The following RBFOX1 variants were observed in gnomAD, a reference collection of about 807,000 sequenced individuals.
RBFOX1 encodes the protein RNA binding protein fox-1 homolog 1.
Under a neutral mutation model 57.7 loss-of-function variants are expected in RBFOX1, and 8 were observed. The ratio of observed to expected loss-of-function variants is 0.14; its 90% CI spans 0.08 to 0.25. The LOEUF is 0.25. Among genes scored for constraint, RBFOX1 ranks in the 10% least tolerant of loss-of-function variants. The pLI is 1.00. For synonymous variants in RBFOX1, 326 were observed against 222.4 expected (o/e 1.47, Z -4.15); for missense variants, 611 against 548.5 (o/e 1.11, Z -1.14).
chr16:7,264,051 T>A (rs1356847125), intron 4 of RBFOX1, among the ~76,000 whole-genome samples: 1 of 152,154 alleles, frequency 6.6e-6, no homozygotes, highest in East Asian at 1.9e-4. Context: ...CTAGACACTT[T>A]GCTTTTAGCA....
chr16:5,550,181 G>C (rs370541380), intron 2 of RBFOX1, among the ~76,000 whole-genome samples: 1 of 152,198 alleles, frequency 6.6e-6, no homozygotes, highest in Non-Finnish European at 1.5e-5. Flanking sequence ...TGCGAGAGGG[G>C]CTGTGTGGAG....
chr16:5,383,462 C>T (rs573543927), intron 1 of RBFOX1, among the ~76,000 whole-genome samples: 6 of 152,280 alleles, frequency 3.9e-5, no homozygotes, highest in South Asian at 2.1e-4. Context: ...TTAGTTGGCA[C>T]TGTTAAGCAC....
chr16:6,885,981 A>G (rs1255204748), intron 3 of RBFOX1, among the ~76,000 whole-genome samples: 1 of 152,178 alleles, frequency 6.6e-6, no homozygotes, highest in Non-Finnish European at 1.5e-5. Context: ...CACAAACCAC[A>G]TGGACTTGAG....
chr16:7,214,278 GGGA>G (rs560279979), intron 4 of RBFOX1, among the ~76,000 whole-genome samples: 90 of 152,220 alleles, frequency 5.9e-4, no homozygotes, highest in African/African-American at 2.1e-3. Flanking sequence ...TTACGCATAT[GGGA>G]GGAGAATGAT....
At chr16:5,775,093 A>G (rs1382497358) in intron 3 of RBFOX1, among the ~76,000 whole-genome samples, 2 of 152,190 alleles carry the variant, frequency 1.3e-5, no homozygotes, top group Non-Finnish European at 2.9e-5. Context: ...CACAGTGAAT[A>G]TAGCTTGATC....
intron 4 of RBFOX1, among the ~76,000 whole-genome samples, chr16:7,053,906 T>G (rs1336851152): frequency 6.6e-6 from 1 of 152,116 alleles, no homozygotes; most frequent in African/African-American, 2.4e-5. Context: ...GATGGCACAT[T>G]TGATTGGATA....
intron 3 of RBFOX1, among the ~76,000 whole-genome samples, chr16:7,040,684 G>A (rs2045867338): frequency 6.6e-6 from 1 of 152,082 alleles, no homozygotes; most frequent in Admixed American, 6.5e-5. Flanking sequence ...TGTGTACCTT[G>A]TGTGTGTGCA....
intron 1 of RBFOX1, among the ~76,000 whole-genome samples, chr16:6,100,266 C>T (rs2096288717): frequency 6.6e-6 from 1 of 152,064 alleles, no homozygotes; most frequent in African/African-American, 2.4e-5. Flanking sequence ...GGGTTCACGC[C>T]ATTCTCCTGC....
chr16:6,007,275 C>T (rs566791389), intron 4 of RBFOX1, among the ~76,000 whole-genome samples: 35 of 152,290 alleles, frequency 2.3e-4, no homozygotes, highest in South Asian at 1.0e-3. Flanking sequence ...GTCAGTTTCC[C>T]GCTTGGATGC....
chr16:5,919,605 A>G (rs1384942101), intron 4 of RBFOX1, among the ~76,000 whole-genome samples: 1 of 152,156 alleles, frequency 6.6e-6, no homozygotes, highest in Non-Finnish European at 1.5e-5. Context: ...CGGCCTCCCA[A>G]AGTGCTGGGA....
Position 7,273,252 on chromosome 16 carries a change from T to TCCTTCCTTCCTTCCTC in RBFOX1, c.27+221165_27+221166insTCCTCCCTTCCTTCCT, listed in dbSNP as rs1567986194. 6.2e-4 allele frequency among the ~76,000 whole-genome samples: 60 copies of TCCTTCCTTCCTTCCTC among 96,570 alleles called. 3 individuals are homozygous for TCCTTCCTTCCTTCCTC. Among genetic ancestry groups the TCCTTCCTTCCTTCCTC allele is most frequent in the African/African-American group, 1.2e-3 (25 of 20,386 alleles). 63.4% of individuals were successfully genotyped at this position (96,570 alleles called of 152,430 possible). On this transcript the variant is annotated intron_variant, in intron 4 of 15. Coordinates refer to ENST00000550418, the MANE Select transcript of RBFOX1 (RefSeq NM_018723.4). ...TTCCTTCCTTCCTTCCTTCCTTCCT[T>TCCTTCCTTCCTTCCTC]CCTTCCTTCCTCCCTTTCTCTTTTT...
At chr16:5,361,845 A>C (rs1253524169) in intron 1 of RBFOX1, among the ~76,000 whole-genome samples, 1 of 152,210 alleles carries the variant, frequency 6.6e-6, no homozygotes, top group African/African-American at 2.4e-5. Context: ...AGTACTTCTG[A>C]GGCTAGCCTA....
chr16:5,245,120 T>G (rs2062264416), intron 1 of RBFOX1, among the ~76,000 whole-genome samples: 1 of 152,140 alleles, frequency 6.6e-6, no homozygotes, highest in Non-Finnish European at 1.5e-5. Context: ...ACAGGATGAG[T>G]TGGAGGCTGG....
At chr16:7,172,065 AG>A (rs201852076) in intron 4 of RBFOX1, among the ~76,000 whole-genome samples, 3 of 147,626 alleles carry the variant, frequency 2.0e-5, no homozygotes, top group African/African-American at 5.1e-5. Flanking sequence ...TGGGCAATTT[AG>A]AAAAAAATAT....
intron 3 of RBFOX1, among the ~76,000 whole-genome samples, chr16:6,732,157 C>A (rs183857086): frequency 6.6e-6 from 1 of 152,288 alleles, no homozygotes; most frequent in Non-Finnish European, 1.5e-5. Context: ...CCCTATACAT[C>A]TGATCCCTCC....
intron 4 of RBFOX1, among the ~76,000 whole-genome samples, chr16:5,945,818 T>G (rs1294022484): frequency 6.6e-6 from 1 of 152,208 alleles, no homozygotes; most frequent in East Asian, 1.9e-4. Flanking sequence ...TCAGACCATC[T>G]GGGCATCCTT....
intron 4 of RBFOX1, among the ~76,000 whole-genome samples, chr16:7,190,937 C>G (rs376157322): frequency 6.7e-6 from 1 of 149,994 alleles, no homozygotes; most frequent in Non-Finnish European, 1.5e-5. Context: ...TTTTTTTTTC[C>G]TGGACTTCTC....
chr16:7,643,181 A>G (rs2063139147), intron 11 of RBFOX1, among the ~76,000 whole-genome samples: 1 of 152,204 alleles, frequency 6.6e-6, no homozygotes, highest in Admixed American at 6.5e-5. Context: ...ACATGATCAA[A>G]GAATATTCAT....
At chr16:6,557,026 CATATATACACATATATAT>C (rs1172469256) in intron 2 of RBFOX1, among the ~76,000 whole-genome samples, 82 of 123,716 alleles carry the variant, frequency 6.6e-4, no homozygotes, top group Non-Finnish European at 9.3e-4. Flanking sequence ...CATATATATA[CATATATACACATATATAT>C]ACATATATAT....
Sources: gnomAD v4.1 joint callset for allele counts (sites outside exome capture counted in the v4.1 genomes callset) on GRCh38, gnomAD v4.1.1 for gene constraint, MANE v1.5 for transcripts, NCBI Gene and HGNC (gene_info 2026-07-23, HGNC 2026-07-21) for gene names.